Variants in SORCS2 observed in about 807,000 individuals in gnomAD.
SORCS2 encodes the protein sortilin related VPS10 domain containing receptor 2, also known as VPS10 domain-containing receptor SorCS2.
Under a neutral mutation model 141.6 loss-of-function variants are expected in SORCS2, and 100 were observed. The observed-to-expected ratio is 0.71, with a 90% CI of 0.60 to 0.83. The LOEUF (loss-of-function observed/expected upper bound fraction) is 0.83. SORCS2 is among the 40% of genes least tolerant of loss of function. SORCS2 has a pLI of 0.00. For missense variants in SORCS2, 1,646 were observed against 1,560.2 expected (o/e 1.05, Z -0.93); for synonymous variants, 789 against 676.9 (o/e 1.17, Z -2.57).
chr4:7,243,547 A>G (rs1712859224), intron 1 of SORCS2, among the ~76,000 whole-genome samples: 1 of 152,190 alleles, frequency 6.6e-6, no homozygotes, highest in Non-Finnish European at 1.5e-5. Flanking sequence ...CACACGGCAC[A>G]GGCCTGATTC....
intron 1 of SORCS2, among the ~76,000 whole-genome samples, chr4:7,395,968 G>A (rs1035420082): frequency 5.3e-5 from 8 of 152,244 alleles, no homozygotes; most frequent in South Asian, 4.1e-4. Flanking sequence ...CACTCCCTTT[G>A]CCACAGTTTG....
intron 3 of SORCS2, among the ~76,000 whole-genome samples, chr4:7,574,957 C>G (rs1026456319): frequency 6.6e-6 from 1 of 152,260 alleles, no homozygotes; most frequent in Non-Finnish European, 1.5e-5. Context: ...TGCAAGAGCA[C>G]TCCAGATGCC....
intron 1 of SORCS2, among the ~76,000 whole-genome samples, chr4:7,362,363 C>T (rs1040732694): frequency 6.6e-6 from 1 of 152,162 alleles, no homozygotes; most frequent in Non-Finnish European, 1.5e-5. Context: ...CATACCTCTT[C>T]CAGGCAGATA....
intron 2 of SORCS2, among the ~76,000 whole-genome samples, chr4:7,420,673 C>T (rs1725981248): frequency 6.6e-6 from 1 of 152,280 alleles, no homozygotes; most frequent in East Asian, 1.9e-4. Context: ...ATTGCCTCCC[C>T]TGAGCCCCGT....
chr4:7,367,499 A>G lies in SORCS2; in HGVS notation c.481-28789A>G, dbSNP rs539428559. Among the ~76,000 whole-genome samples, 3 of 152,326 alleles carry G rather than the reference A, an allele frequency of 2.0e-5. No individual in the cohort carries two copies. In the South Asian group the frequency reaches 6.2e-4, roughly 32 times the overall value. The stretch of plus-strand genomic sequence containing the variant: ...GGGTGGTTGTGGGAGCATTAAACAG[A>G]TGACCTCAGTCAAGGCGGTTCACAC... On this transcript the variant is annotated intron_variant, in intron 1 of 26. Coordinates refer to ENST00000507866, the MANE Select transcript of SORCS2 (RefSeq NM_020777.3).
intron 3 of SORCS2, among the ~76,000 whole-genome samples, chr4:7,598,464 T>A (rs1479726814): frequency 1.3e-5 from 2 of 152,166 alleles, no homozygotes; most frequent in Non-Finnish European, 2.9e-5. Context: ...AGGAGCTGAT[T>A]AGCCCCTTCT....
intron 22 of SORCS2, among the ~76,000 whole-genome samples, chr4:7,728,875 C>G (rs919483726): frequency 2.0e-5 from 3 of 152,188 alleles, no homozygotes; most frequent in African/African-American, 7.2e-5. Context: ...TCAGGAGCTC[C>G]CGGGTGGCAG....
chr4:7,481,041 A>G (rs1730598291), intron 2 of SORCS2, among the ~76,000 whole-genome samples: 1 of 152,194 alleles, frequency 6.6e-6, no homozygotes, highest in South Asian at 2.1e-4. Context: ...TTTTCTTTGA[A>G]ATCAAGAGAG....
intron 12 of SORCS2, 35 bp downstream of exon 12, chr4:7,697,309 C>G (rs376441669): frequency 6.5e-7 from 1 of 1,532,156 alleles, no homozygotes; most frequent in South Asian, 1.2e-5. Context: ...TACCCCCCAC[C>G]CCATCCAGCC....
At chr4:7,700,575 G>T (rs960547684) in intron 12 of SORCS2, among the ~76,000 whole-genome samples, 6 of 152,190 alleles carry the variant, frequency 3.9e-5, no homozygotes, top group African/African-American at 1.4e-4. Context: ...AAAGCCTACA[G>T]GCCATCAGCT....
chr4:7,372,377 G>A (rs1722314720), intron 1 of SORCS2, among the ~76,000 whole-genome samples: 1 of 152,182 alleles, frequency 6.6e-6, no homozygotes, highest in Non-Finnish European at 1.5e-5. Context: ...CGGGATCTCA[G>A]CTCACTGCAA....
At chr4:7,349,311 A>C (rs1319278418) in intron 1 of SORCS2, among the ~76,000 whole-genome samples, 1 of 152,188 alleles carries the variant, frequency 6.6e-6, no homozygotes, top group African/African-American at 2.4e-5. Context: ...GCTGCAGGTC[A>C]GTCCTGCAGG....
At chr4:7,456,387 T>G (rs1327944313) in intron 2 of SORCS2, among the ~76,000 whole-genome samples, 1 of 152,022 alleles carries the variant, frequency 6.6e-6, no homozygotes, top group Admixed American at 6.5e-5. Flanking sequence ...CACCAAAGAG[T>G]TGGTCTCTGT....
chr4:7,676,581 G>A (rs1054437876), intron 9 of SORCS2, among the ~76,000 whole-genome samples: 14 of 152,122 alleles, frequency 9.2e-5, no homozygotes, highest in African/African-American at 3.1e-4. Flanking sequence ...CTCATCAGAC[G>A]TCCTGGGCTG....
intron 2 of SORCS2, among the ~76,000 whole-genome samples, chr4:7,419,366 G>C (rs1442926739): frequency 1.3e-5 from 2 of 152,134 alleles, no homozygotes; most frequent in Non-Finnish European, 2.9e-5. Flanking sequence ...GCTGGCCTTG[G>C]ACACTGGAGG....
chr4:7,408,491 G>A (rs1430954964), intron 2 of SORCS2, among the ~76,000 whole-genome samples: 1 of 151,846 alleles, frequency 6.6e-6, no homozygotes, highest in Non-Finnish European at 1.5e-5. Context: ...CTCCTGTATG[G>A]GTTATTTGCT....
At chr4:7,691,259 G>T (rs184677580) in intron 11 of SORCS2, among the ~76,000 whole-genome samples, 1 of 152,350 alleles carries the variant, frequency 6.6e-6, no homozygotes, top group Admixed American at 6.5e-5. Context: ...GCAGCACCGA[G>T]CTGGGGCCTG....
chr4:7,647,657 G>A (rs1380071094), intron 4 of SORCS2, among the ~76,000 whole-genome samples: 1 of 152,228 alleles, frequency 6.6e-6, no homozygotes, highest in African/African-American at 2.4e-5. Flanking sequence ...TAAAGGCTGT[G>A]TGAGGAAGAT....
intron 3 of SORCS2, among the ~76,000 whole-genome samples, chr4:7,577,760 A>G (rs1170798945): frequency 1.4e-5 from 2 of 146,924 alleles, no homozygotes; most frequent in African/African-American, 5.1e-5. Flanking sequence ...GAGAAGTCAT[A>G]TAGCATACAG....
Sources: gnomAD v4.1 joint callset for allele counts (sites outside exome capture counted in the v4.1 genomes callset) on GRCh38, gnomAD v4.1.1 for gene constraint, MANE v1.5 for transcripts, NCBI Gene and HGNC (gene_info 2026-07-23, HGNC 2026-07-21) for gene names.